Variants in GULP1 observed in about 807,000 individuals in gnomAD.
The protein encoded by GULP1 is GULP PTB domain containing engulfment adaptor 1, also known as PTB domain-containing engulfment adapter protein 1.
In GULP1, 19 loss-of-function variants were observed where a neutral mutation model predicts 40.9. The observed-to-expected ratio is 0.46, with a 90% CI of 0.32 to 0.68. The LOEUF (loss-of-function observed/expected upper bound fraction) is 0.68, where lower values mean the gene tolerates loss of function less well. Among genes scored for constraint, GULP1 ranks in the 30% least tolerant of loss-of-function variants. The pLI is 0.03. For missense variants in GULP1, 312 were observed against 362.2 expected (o/e 0.86, Z 1.12); for synonymous variants, 119 against 117.6 (o/e 1.01, Z -0.08).
chr2:188,352,601 TTC>T lies in GULP1; in HGVS notation c.-171-31145_-171-31144del, dbSNP rs144329147. Among the ~76,000 whole-genome samples the T allele has an allele frequency of 7.3e-4, 80 of 109,452 alleles. 1 individual carries two copies. The highest frequency in any genetic ancestry group is 1.2e-3 in the African/African-American group (36 of 30,934). 71.8% of individuals were successfully genotyped at this position (109,452 alleles called of 152,430 possible). On this transcript the variant is annotated intron_variant, in intron 1 of 11. Transcript: ENST00000409830. ...GCTCATTCACTTGTTCTTGCTCTCT[TTC>T]TCTCTCTCTCTCTCTCACACACACA...
chr2:188,318,699 C>A (rs1341988037), intron 1 of GULP1, among the ~76,000 whole-genome samples: 3 of 152,136 alleles, frequency 2.0e-5, no homozygotes, highest in Non-Finnish European at 4.4e-5. Context: ...ATCCAACAAC[C>A]CAGGAGTTAT....
At chr2:188,341,227 A>T (rs866929352) in intron 1 of GULP1, among the ~76,000 whole-genome samples, 3 of 152,042 alleles carry the variant, frequency 2.0e-5, no homozygotes, top group Non-Finnish European at 2.9e-5. Context: ...GCTTTTACTC[A>T]TGGTAGAAGG....
At chr2:188,374,397 G>T (rs1197716438) in intron 1 of GULP1, among the ~76,000 whole-genome samples, 1 of 152,102 alleles carries the variant, frequency 6.6e-6, no homozygotes. Flanking sequence ...CAAAGAATAT[G>T]CATTGGTTAC....
intron 3 of GULP1, among the ~76,000 whole-genome samples, chr2:188,482,436 T>C (rs2061511879): frequency 6.6e-6 from 1 of 151,866 alleles, no homozygotes; most frequent in Non-Finnish European, 1.5e-5. Flanking sequence ...TCTTTGATTT[T>C]GTTCTATTTA....
At chr2:188,384,572 A>T (rs544280295) in intron 2 of GULP1, among the ~76,000 whole-genome samples, 1 of 152,298 alleles carries the variant, frequency 6.6e-6, no homozygotes, top group Admixed American at 6.5e-5. Flanking sequence ...ATGCCTTCCC[A>T]ACAATCCCCC....
chr2:188,464,720 G>A (rs2059976184), intron 2 of GULP1, among the ~76,000 whole-genome samples: 1 of 152,142 alleles, frequency 6.6e-6, no homozygotes, highest in South Asian at 2.1e-4. Context: ...ACTCAAATAA[G>A]GAGATGCAGT....
chr2:188,566,961 C>T (rs933469692), intron 7 of GULP1, among the ~76,000 whole-genome samples: 6 of 151,452 alleles, frequency 4.0e-5, no homozygotes, highest in Admixed American at 1.3e-4. Flanking sequence ...CATCACAAAG[C>T]GGGCAAAGGA....
intron 1 of GULP1, among the ~76,000 whole-genome samples, chr2:188,297,166 T>C (rs547260445): frequency 6.6e-6 from 1 of 152,192 alleles, no homozygotes; most frequent in East Asian, 1.9e-4. Context: ...TTTTTCTTTT[T>C]TCCAAATTCT....
At chr2:188,346,586 G>A (rs1325955989) in intron 1 of GULP1, among the ~76,000 whole-genome samples, 2 of 151,432 alleles carry the variant, frequency 1.3e-5, no homozygotes, top group African/African-American at 2.4e-5. Flanking sequence ...TCCGCCTCCT[G>A]GGTTCACGCC....
chr2:188,359,150 G>A (rs574283817), intron 1 of GULP1, among the ~76,000 whole-genome samples: 2 of 152,168 alleles, frequency 1.3e-5, no homozygotes, highest in South Asian at 2.1e-4. Flanking sequence ...CTTTAGATAC[G>A]TGTTTCAAAG....
chr2:188,431,930 T>G (rs1004794398), intron 2 of GULP1, among the ~76,000 whole-genome samples: 1 of 151,866 alleles, frequency 6.6e-6, no homozygotes. Flanking sequence ...AACTTTGAAT[T>G]AGATAAAAAT....
At chr2:188,314,824 G>A (rs1242044287) in intron 1 of GULP1, among the ~76,000 whole-genome samples, 1 of 152,114 alleles carries the variant, frequency 6.6e-6, no homozygotes, top group African/African-American at 2.4e-5. Context: ...TCTGAGTAGC[G>A]TGATAAAACC....
chr2:188,554,748 C>T (rs1445396938), intron 7 of GULP1, among the ~76,000 whole-genome samples: 4 of 151,732 alleles, frequency 2.6e-5, no homozygotes, highest in African/African-American at 4.8e-5. Context: ...TTTGGGCTCC[C>T]CCACTATTAT....
intron 7 of GULP1, among the ~76,000 whole-genome samples, chr2:188,550,246 A>G (rs893291366): frequency 1.3e-5 from 2 of 151,666 alleles, no homozygotes; most frequent in Non-Finnish European, 3.0e-5. Flanking sequence ...ATGCAGGCCA[A>G]AAAGAATTAG....
intron 4 of GULP1, among the ~76,000 whole-genome samples, chr2:188,496,367 C>T (rs1371341667): frequency 6.6e-6 from 1 of 151,902 alleles, no homozygotes; most frequent in African/African-American, 2.4e-5. Flanking sequence ...TGGTATTGCT[C>T]TAGGCTTGCT....
chr2:188,500,685 A>G (rs1021827159), intron 4 of GULP1, among the ~76,000 whole-genome samples: 1 of 152,066 alleles, frequency 6.6e-6, no homozygotes, highest in South Asian at 2.1e-4. Context: ...AGACATCACC[A>G]TCAAGATTTT....
At chr2:188,571,221 T>A (rs1698967479) in intron 9 of GULP1, among the ~76,000 whole-genome samples, 1 of 152,118 alleles carries the variant, frequency 6.6e-6, no homozygotes, top group Admixed American at 6.6e-5. Context: ...GTTGCAAAAT[T>A]TTTTATGGAA....
chr2:188,418,824 A>C (rs2152753988), intron 2 of GULP1, among the ~76,000 whole-genome samples: 1 of 152,338 alleles, frequency 6.6e-6, no homozygotes, highest in South Asian at 2.1e-4. Context: ...AGATATCTAA[A>C]GTTTATTCAT....
chr2:188,411,578 C>A (rs753548864), intron 2 of GULP1, among the ~76,000 whole-genome samples: 28 of 152,174 alleles, frequency 1.8e-4, no homozygotes, highest in Non-Finnish European at 3.1e-4. Flanking sequence ...CTTCTGAGGT[C>A]ACCCTTTGTT....
Sources: gnomAD v4.1 joint callset for allele counts (sites outside exome capture counted in the v4.1 genomes callset) on GRCh38, gnomAD v4.1.1 for gene constraint, MANE v1.5 for transcripts, NCBI Gene and HGNC (gene_info 2026-07-23, HGNC 2026-07-21) for gene names.